ZNF519: variants seen among roughly 807,000 people sequenced by gnomAD.
ZNF519 encodes similar to Zinc finger protein 85 (Zinc finger protein HPF4) (HTF1).
Under a neutral mutation model 7.4 loss-of-function variants are expected in ZNF519, and 7 were observed. That is an observed-to-expected ratio of 0.94 (90% CI 0.54 to 1.77). The LOEUF (loss-of-function observed/expected upper bound fraction) is 1.77, where lower values mean the gene tolerates loss of function less well. Among genes scored for constraint, ZNF519 ranks in the 40% most tolerant of loss-of-function variants. The pLI, the probability that ZNF519 is intolerant of heterozygous loss-of-function variation, is 0.00. For missense variants in ZNF519, 586 were observed against 623.1 expected (o/e 0.94, Z 0.63); for synonymous variants, 179 against 203.3 (o/e 0.88, Z 1.02).
intron 2 of ZNF519, chr18:14,090,086 C>A (rs1287436726): frequency 6.6e-6 from 1 of 152,196 alleles, no homozygotes; most frequent in East Asian, 1.9e-4. Flanking sequence ...GGGGTAGACA[C>A]CGGTGTGTCC....
intron 2 of ZNF519, 98 bp from the exon 3 acceptor site, chr18:14,106,507 G>T (rs1378410754): frequency 1.4e-5 from 14 of 1,025,798 alleles, no homozygotes; most frequent in African/African-American, 3.3e-5. Flanking sequence ...GAGAACATCA[G>T]CACAATGCCA....
intron 3 of ZNF519, among the ~76,000 whole-genome samples, chr18:14,078,781 T>G (rs933089456): frequency 6.9e-6 from 1 of 144,780 alleles, no homozygotes; most frequent in East Asian, 2.0e-4. Context: ...ATTAATCAAA[T>G]TAATAAAAAA....
chr18:14,092,437 A>G (rs1445994153), intron 2 of ZNF519, among the ~76,000 whole-genome samples: 1 of 152,132 alleles, frequency 6.6e-6, no homozygotes, highest in Non-Finnish European at 1.5e-5. Flanking sequence ...GACTTAGAGG[A>G]GCAATCACAG....
At chr18:14,089,105 G>C (rs2143093725) in intron 2 of ZNF519, among the ~76,000 whole-genome samples, 1 of 152,184 alleles carries the variant, frequency 6.6e-6, no homozygotes, top group East Asian at 1.9e-4. Context: ...TTCCATCTGT[G>C]ATGAATATAA....
intron 1 of ZNF519, among the ~76,000 whole-genome samples, chr18:14,126,546 G>A (rs550210538): frequency 4.6e-5 from 7 of 152,262 alleles, no homozygotes; most frequent in East Asian, 3.9e-4. Flanking sequence ...CTTAACACAC[G>A]ATGCTGAATT....
chr18:14,118,081 CAG>C (rs2046253971), intron 2 of ZNF519, among the ~76,000 whole-genome samples: 1 of 152,112 alleles, frequency 6.6e-6, no homozygotes, highest in South Asian at 2.1e-4. Flanking sequence ...TTTTTTGAGA[CAG>C]AGTCTCGCTC....
intron 1 of ZNF519, among the ~76,000 whole-genome samples, chr18:14,131,850 C>A (rs1249573240): frequency 1.3e-5 from 2 of 152,216 alleles, no homozygotes; most frequent in African/African-American, 4.8e-5. Context: ...CAACCACAAA[C>A]CATTGCTGAG....
intron 2 of ZNF519, among the ~76,000 whole-genome samples, chr18:14,117,163 T>TAA (rs2046249999): frequency 6.6e-6 from 1 of 151,906 alleles, no homozygotes; most frequent in South Asian, 2.1e-4. Flanking sequence ...TTTAGTGAAG[T>TAA]AAGCAGAAGA....
At chr18:14,092,022 T>C (rs1161878542) in intron 2 of ZNF519, among the ~76,000 whole-genome samples, 1 of 152,024 alleles carries the variant, frequency 6.6e-6, no homozygotes, top group Non-Finnish European at 1.5e-5. Context: ...TTCATTTCAA[T>C]TTAAAAGGTC....
intron 2 of ZNF519, among the ~76,000 whole-genome samples, chr18:14,111,611 C>T (rs1370202222): frequency 7.9e-5 from 12 of 151,424 alleles, no homozygotes; most frequent in Non-Finnish European, 1.8e-4. Context: ...AACTCTACAA[C>T]TTATACTGCA....
At position 14,102,562 on chromosome 18, in the gene ZNF519, C is replaced by A. The variant is rs2046167383; in HGVS notation, c.*2355G>T. ...CATATAAATTTCAACATTTACAAGT[C>A]ACATTTATGAATATATCTCTTATTT... On this transcript the variant is annotated 3_prime_UTR_variant, in exon 3 of 3. Transcript: ENST00000590202. 1 of 152,128 alleles carries A rather than the reference C, an allele frequency of 6.6e-6. No homozygotes were observed. The highest frequency in any genetic ancestry group is 1.5e-5 in the Non-Finnish European group (1 of 68,030). The allele number at this position is 152,128 out of a possible 1,614,324, so 9.4% of individuals were successfully genotyped here.
intron 1 of ZNF519, among the ~76,000 whole-genome samples, chr18:14,126,383 A>G (rs2046299647): frequency 6.6e-6 from 1 of 152,218 alleles, no homozygotes; most frequent in African/African-American, 2.4e-5. Flanking sequence ...TTATATTAGA[A>G]GGTAAATATT....
chr18:14,131,169 G>A (rs1270152932), intron 1 of ZNF519, among the ~76,000 whole-genome samples: 2 of 152,162 alleles, frequency 1.3e-5, no homozygotes, highest in African/African-American at 2.4e-5. Context: ...TAATAAGGGC[G>A]TTTGTGCTAA....
intron 2 of ZNF519, among the ~76,000 whole-genome samples, chr18:14,094,380 C>G (rs918618599): frequency 6.6e-6 from 1 of 152,114 alleles, no homozygotes; most frequent in African/African-American, 2.4e-5. Flanking sequence ...TTTATAAAAC[C>G]GGCTTTTTCC....
chr18:14,113,241 C>T (rs990395980), intron 2 of ZNF519, among the ~76,000 whole-genome samples: 5 of 152,288 alleles, frequency 3.3e-5, no homozygotes, highest in African/African-American at 7.2e-5. Context: ...AGCTGGGAAC[C>T]GCTTAGGGCA....
At position 14,101,659 on chromosome 18, in the gene ZNF519, C is replaced by T. The variant is rs901815169; in HGVS notation, c.*3258G>A. The T allele has an allele frequency of 7.5e-6, 3 of 398,610 alleles. No individual in the cohort carries two copies. Among genetic ancestry groups the T allele is most frequent in the Non-Finnish European group, 8.8e-6 (2 of 226,112 alleles). The allele number at this position is 398,610 out of a possible 1,614,324, so 24.7% of individuals were successfully genotyped here. A position where few individuals can be genotyped will look rare whatever the true frequency, so the allele number is the denominator to read the frequency against. On this transcript the variant is annotated 3_prime_UTR_variant, in exon 3 of 3. Coordinates refer to ENST00000590202, the MANE Select transcript of ZNF519 (RefSeq NM_145287.4). ...TCTGGGCCCTGGTTATAGAGACCAT[C>T]TCTACACCCACACCCCAATCGAGGC...
Position 14,106,306 on chromosome 18 carries a change from A to G in ZNF519, c.234T>C (p.Asn78=). ...LGRYGSCGLE[N]ICLWKNWESI... is the part of the protein sequence containing the mutation. ...TTTCCCAGTTTTTCCATAAGCATAT[A>G]TTTTCAAGGCCACAGCTCCCATATC... is the stretch of plus-strand genomic sequence containing the variant. The change falls in exon 3 of 3, where the codon AAT becomes AAC. Residue 78 remains asparagine (N), a synonymous_variant. Transcript: ENST00000590202. 1 of 1,611,474 alleles carries G rather than the reference A, an allele frequency of 6.2e-7. No homozygotes were observed.
intron 2 of ZNF519, 35 bp from the exon 3 acceptor site, chr18:14,106,444 A>G: frequency 6.6e-7 from 1 of 1,511,052 alleles, no homozygotes; most frequent in Non-Finnish European, 8.8e-7. Context: ...TATTCTACAT[A>G]CTGATTTCAG....
chr18:14,113,958 CATT>C (rs1681227793), intron 2 of ZNF519, among the ~76,000 whole-genome samples: 1 of 152,110 alleles, frequency 6.6e-6, no homozygotes, highest in African/African-American at 2.4e-5. Context: ...TGTCTATTCA[CATT>C]TTTTGCTCAT....
Sources: allele counts gnomAD v4.1 joint callset (sites outside exome capture counted in the v4.1 genomes callset), GRCh38; gene constraint gnomAD v4.1.1; transcripts MANE v1.5; gene names NCBI Gene and HGNC (gene_info 2026-07-23, HGNC 2026-07-21).